The following CNTNAP2 variants were observed in gnomAD, a reference collection of about 807,000 sequenced individuals.
The protein encoded by CNTNAP2 is contactin-associated protein-like 2.
CNTNAP2 carries 98 observed loss-of-function variants against 155.2 expected under a neutral mutation model. The observed-to-expected ratio is 0.63, with a 90% CI of 0.54 to 0.75. The LOEUF (loss-of-function observed/expected upper bound fraction) is 0.75. Ranked by LOEUF, CNTNAP2 falls within the 30% of genes least tolerant of loss-of-function variation. The pLI, the probability that CNTNAP2 is intolerant of heterozygous loss-of-function variation, is 0.00. For synonymous variants in CNTNAP2, 651 were observed against 631.2 expected, an observed-to-expected ratio of 1.03 and a Z score of -0.47; for missense variants, 1,727 against 1,688.1, an observed-to-expected ratio of 1.02 and a Z score of -0.40.
At position 146,267,418 on chromosome 7, in the gene CNTNAP2, A is replaced by G. The variant is rs145753322; in HGVS notation, c.97+150445A>G. Among the ~76,000 whole-genome samples the G allele has an allele frequency of 3.1e-3, 477 of 152,206 alleles. 3 individuals are homozygous for G. Among genetic ancestry groups the G allele is most frequent in the African/African-American group, 0.011 (461 of 41,526 alleles). ...CTGCTATAGGTGCTAATTGAAGGAGAACTTTAGATCCTAGATATTATAAAA... is the reference window on the plus strand; with the variant it reads ...CTGCTATAGGTGCTAATTGAAGGAGGACTTTAGATCCTAGATATTATAAAA... On this transcript the variant is annotated intron_variant, in intron 1 of 23. Transcript: ENST00000361727.
chr7:147,521,314 C>G (rs566677316), intron 11 of CNTNAP2, among the ~76,000 whole-genome samples: 1 of 152,158 alleles, frequency 6.6e-6, no homozygotes, highest in Admixed American at 6.5e-5. Context: ...ACCAAAGAAG[C>G]ATGACCCTTT....
intron 10 of CNTNAP2, among the ~76,000 whole-genome samples, chr7:147,436,516 C>T (rs188583928): frequency 6.6e-6 from 1 of 152,138 alleles, no homozygotes; most frequent in Admixed American, 6.6e-5. Context: ...GTGAAAATTA[C>T]AAGATAAACT....
At chr7:146,755,760 T>A (rs570588275) in intron 1 of CNTNAP2, among the ~76,000 whole-genome samples, 1 of 152,064 alleles carries the variant, frequency 6.6e-6, no homozygotes, top group African/African-American at 2.4e-5. Context: ...ATTTGTAAAC[T>A]GATTTATTGA....
chr7:146,937,163 G>A (rs1585168915), intron 3 of CNTNAP2, among the ~76,000 whole-genome samples: 1 of 151,762 alleles, frequency 6.6e-6, no homozygotes, highest in African/African-American at 2.4e-5. Flanking sequence ...CAAGGCAGGC[G>A]GATCACGAGG....
At chr7:147,080,873 T>C (rs1800110968) in intron 4 of CNTNAP2, 1 of 151,878 alleles carries the variant, frequency 6.6e-6, no homozygotes, top group African/African-American at 2.4e-5. Context: ...ACTCTGGCTA[T>C]GTATCCTGAA....
chr7:147,350,993 TACAG>T (rs1795958257), intron 9 of CNTNAP2, among the ~76,000 whole-genome samples: 1 of 151,838 alleles, frequency 6.6e-6, no homozygotes, highest in Non-Finnish European at 1.5e-5. Context: ...AATTTTTTCT[TACAG>T]AAAGGAATGA....
At chr7:148,404,272 A>G (rs1470847949) in intron 22 of CNTNAP2, among the ~76,000 whole-genome samples, 1 of 152,270 alleles carries the variant, frequency 6.6e-6, no homozygotes, top group African/African-American at 2.4e-5. Flanking sequence ...ACTGTCATGT[A>G]AGAAGTCACA....
chr7:147,159,042 A>G (rs919608137), intron 8 of CNTNAP2, among the ~76,000 whole-genome samples: 1 of 152,110 alleles, frequency 6.6e-6, no homozygotes, highest in Non-Finnish European at 1.5e-5. Context: ...GGGAAAGGTC[A>G]GGGTTCTTGA....
At chr7:147,715,449 G>T (rs1434217793) in intron 13 of CNTNAP2, among the ~76,000 whole-genome samples, 4 of 152,044 alleles carry the variant, frequency 2.6e-5, no homozygotes, top group Non-Finnish European at 5.9e-5. Flanking sequence ...CAAGAGAGTT[G>T]TCATGGGCTA....
At chr7:147,410,550 A>G (rs914246298) in intron 10 of CNTNAP2, among the ~76,000 whole-genome samples, 2 of 152,182 alleles carry the variant, frequency 1.3e-5, no homozygotes, top group African/African-American at 4.8e-5. Context: ...GTTAAAACAA[A>G]ACAAAAACAA....
intron 18 of CNTNAP2, among the ~76,000 whole-genome samples, chr7:148,193,311 A>G (rs11984237): frequency 0.02 from 3,007 of 152,264 alleles, 117 homozygotes; most frequent in African/African-American, 0.069. Context: ...CAACCTAGCC[A>G]TTAGGTGGGG....
chr7:146,903,751 A>G (rs1235735676), intron 3 of CNTNAP2, among the ~76,000 whole-genome samples: 3 of 152,186 alleles, frequency 2.0e-5, no homozygotes, highest in Non-Finnish European at 4.4e-5. Context: ...TATTAATCAA[A>G]GGTTACAAAG....
chr7:146,685,339 G>T (rs1311978876), intron 1 of CNTNAP2, among the ~76,000 whole-genome samples: 1 of 152,136 alleles, frequency 6.6e-6, no homozygotes, highest in Non-Finnish European at 1.5e-5. Context: ...GATTGCCAGG[G>T]TGTTTGAGAT....
chr7:148,231,481 C>A (rs1795960084), intron 20 of CNTNAP2, among the ~76,000 whole-genome samples: 1 of 152,190 alleles, frequency 6.6e-6, no homozygotes, highest in Non-Finnish European at 1.5e-5. Flanking sequence ...GGAAGAGAAT[C>A]TAGGGAGCCT....
intron 10 of CNTNAP2, among the ~76,000 whole-genome samples, chr7:147,478,486 G>A (rs1030493338): frequency 2.0e-5 from 3 of 152,168 alleles, no homozygotes; most frequent in Non-Finnish European, 4.4e-5. Context: ...CAAAATAACA[G>A]TGGCTTAAAA....
chr7:147,681,978 G>GA (rs1293980872), intron 13 of CNTNAP2, among the ~76,000 whole-genome samples: 1 of 151,470 alleles, frequency 6.6e-6, no homozygotes, highest in Non-Finnish European at 1.5e-5. Context: ...GAGATCTTCT[G>GA]AAAAAAGGAG....
At chr7:146,956,740 A>T (rs1415141191) in intron 3 of CNTNAP2, among the ~76,000 whole-genome samples, 1 of 152,186 alleles carries the variant, frequency 6.6e-6, no homozygotes, top group African/African-American at 2.4e-5. Context: ...GTAAGCGACT[A>T]AATGGCTGAC....
At chr7:147,774,938 C>G (rs1267242583) in intron 13 of CNTNAP2, among the ~76,000 whole-genome samples, 3 of 151,924 alleles carry the variant, frequency 2.0e-5, no homozygotes, top group Non-Finnish European at 4.4e-5. Flanking sequence ...TATACCAGAA[C>G]TAAACCCATT....
chr7:147,098,379 CCTAT>C lies in CNTNAP2; in HGVS notation c.551-9765_551-9762del, dbSNP rs575127304. Among the ~76,000 whole-genome samples the C allele has an allele frequency of 4.9e-3, 753 of 152,236 alleles. 4 individuals carry two copies. The highest frequency in any genetic ancestry group is 7.7e-3 in the Non-Finnish European group (525 of 68,006). ...TTAGAACAGTCGAATGTGCTATTCC[CCTAT>C]CTGTCTGAATTTATCTTACTCAGTC... is the stretch of plus-strand genomic sequence containing the variant. On this transcript the variant is annotated intron_variant, in intron 4 of 23. Transcript: ENST00000361727.
Sources: gnomAD v4.1 joint callset for allele counts (sites outside exome capture counted in the v4.1 genomes callset) on GRCh38, gnomAD v4.1.1 for gene constraint, MANE v1.5 for transcripts, NCBI Gene and HGNC (gene_info 2026-07-23, HGNC 2026-07-21) for gene names.